CAMKMT: variants seen among roughly 807,000 people sequenced by gnomAD.
The protein encoded by CAMKMT is calmodulin-lysine N-methyltransferase.
CAMKMT carries 53 observed loss-of-function variants against 48.0 expected under a neutral mutation model. That is an observed-to-expected ratio of 1.10 (90% CI 0.89 to 1.39). The LOEUF is 1.39. Among genes scored for constraint, CAMKMT ranks in the 40% most tolerant of loss-of-function variants. The pLI is 0.00. For synonymous variants in CAMKMT, 165 were observed against 152.3 expected, an observed-to-expected ratio of 1.08 and a Z score of -0.61; for missense variants, 428 against 402.7, an observed-to-expected ratio of 1.06 and a Z score of -0.54.
intron 3 of CAMKMT, among the ~76,000 whole-genome samples, chr2:44,398,909 T>G (rs913870125): frequency 6.6e-6 from 1 of 152,132 alleles, no homozygotes; most frequent in Non-Finnish European, 1.5e-5. Flanking sequence ...TACTCCATGT[T>G]AAAAAAAATT....
intron 3 of CAMKMT, among the ~76,000 whole-genome samples, chr2:44,395,506 G>A (rs1681750570): frequency 1.3e-5 from 2 of 151,988 alleles, no homozygotes; most frequent in Non-Finnish European, 2.9e-5. Context: ...AAAAAGTTGG[G>A]CTTTTATGGG....
At chr2:44,448,801 G>A (rs569046175) in intron 3 of CAMKMT, among the ~76,000 whole-genome samples, 1 of 152,234 alleles carries the variant, frequency 6.6e-6, no homozygotes, top group South Asian at 2.1e-4. Flanking sequence ...TTATTCAATG[G>A]AATATTTTTC....
intron 3 of CAMKMT, among the ~76,000 whole-genome samples, chr2:44,434,841 A>G (rs999992239): frequency 6.6e-6 from 1 of 152,212 alleles, no homozygotes; most frequent in African/African-American, 2.4e-5. Context: ...TAGACTGCTA[A>G]TTTACTGTTT....
chr2:44,696,432 G>C (rs1676955232), intron 3 of CAMKMT, among the ~76,000 whole-genome samples: 1 of 152,156 alleles, frequency 6.6e-6, no homozygotes, highest in Non-Finnish European at 1.5e-5. Context: ...AGTTGAAGGG[G>C]ATGAAACTAA....
intron 7 of CAMKMT, among the ~76,000 whole-genome samples, chr2:44,715,856 A>G (rs1678150260): frequency 6.6e-6 from 1 of 152,172 alleles, no homozygotes; most frequent in African/African-American, 2.4e-5. Flanking sequence ...ACAACAAAGA[A>G]ACATCTGGCC....
At chr2:44,567,524 T>A (rs2103721659) in intron 3 of CAMKMT, among the ~76,000 whole-genome samples, 1 of 151,926 alleles carries the variant, frequency 6.6e-6, no homozygotes, top group East Asian at 1.9e-4. Context: ...GAAAAGTACA[T>A]ACACTTTTGA....
intron 5 of CAMKMT, among the ~76,000 whole-genome samples, chr2:44,707,045 G>C (rs1206970776): frequency 1.3e-5 from 2 of 151,770 alleles, no homozygotes; most frequent in African/African-American, 4.8e-5. Flanking sequence ...AGGGCATCAG[G>C]CAGTCAGACA....
chr2:44,718,360 A>C (rs1303807082), intron 7 of CAMKMT, among the ~76,000 whole-genome samples: 1 of 152,232 alleles, frequency 6.6e-6, no homozygotes, highest in African/African-American at 2.4e-5. Context: ...ATGAAGAATT[A>C]TATTCATTAC....
Position 44,378,650 on chromosome 2 carries a change from C to T in CAMKMT, c.311+5762C>T, listed in dbSNP as rs373649052. Among the ~76,000 whole-genome samples the T allele has an allele frequency of 3.8e-3, 576 of 152,240 alleles. 3 individuals are homozygous for T. The highest frequency in any genetic ancestry group is 0.013 in the African/African-American group (554 of 41,536). ...CTGGGACTACAGGCATGTGCCACCA[C>T]GCCCAGCTAATTTTTGTATTTTTAG... On this transcript the variant is annotated intron_variant, in intron 2 of 10. Coordinates refer to ENST00000378494, the MANE Select transcript of CAMKMT (RefSeq NM_024766.5).
chr2:44,709,571 T>C (rs571503605), intron 6 of CAMKMT, among the ~76,000 whole-genome samples: 3 of 152,306 alleles, frequency 2.0e-5, no homozygotes, highest in Admixed American at 2.0e-4. Context: ...GAGCTTACAA[T>C]TGGCATTCGT....
intron 3 of CAMKMT, among the ~76,000 whole-genome samples, chr2:44,497,149 T>G (rs115637655): frequency 0.011 from 1,692 of 152,294 alleles, 36 homozygotes; most frequent in African/African-American, 0.039. Context: ...GAAAACTGAT[T>G]TCGTACATCT....
At chr2:44,477,194 A>G (rs1668733385) in intron 3 of CAMKMT, among the ~76,000 whole-genome samples, 1 of 152,198 alleles carries the variant, frequency 6.6e-6, no homozygotes, top group African/African-American at 2.4e-5. Context: ...GTAGTTCATT[A>G]TAGAGTTAAT....
At chr2:44,664,955 A>G (rs977563119) in intron 3 of CAMKMT, among the ~76,000 whole-genome samples, 2 of 152,210 alleles carry the variant, frequency 1.3e-5, no homozygotes, top group Non-Finnish European at 2.9e-5. Flanking sequence ...GGGCCCTATA[A>G]AAGATACTGC....
chr2:44,643,643 T>C (rs558289472), intron 3 of CAMKMT, among the ~76,000 whole-genome samples: 2 of 152,308 alleles, frequency 1.3e-5, no homozygotes, highest in South Asian at 4.1e-4. Flanking sequence ...TCCAAAGGAA[T>C]TTGGGTGTTT....
At chr2:44,723,658 T>A (rs571653270) in intron 7 of CAMKMT, 1 of 148,586 alleles carries the variant, frequency 6.7e-6, no homozygotes, top group Non-Finnish European at 1.5e-5. Context: ...ATAAATAAAA[T>A]AATAAAGTTG....
chr2:44,673,447 G>GAGAA (rs1675453643), intron 3 of CAMKMT, among the ~76,000 whole-genome samples: 1 of 141,384 alleles, frequency 7.1e-6, no homozygotes, highest in African/African-American at 2.7e-5. Flanking sequence ...AAAAAAGAGA[G>GAGAA]AGAGAAAGAG....
rs1038825708 is a variant in CAMKMT at position 44,611,835 on chromosome 2, C to T, written c.377-92448C>T. Among the ~76,000 whole-genome samples, 31 of 151,910 alleles carry T rather than the reference C, an allele frequency of 2.0e-4. 1 individual carries two copies. The highest frequency in any genetic ancestry group is 2.9e-5 in the Non-Finnish European group (2 of 67,990). ...GAGCAGGCACATCACATGGCAAAAG[C>T]AGGAGCAAATGAGGTTGGGGGAGGT... is the stretch of plus-strand genomic sequence containing the variant. On this transcript the variant is annotated intron_variant, in intron 3 of 10. Coordinates refer to ENST00000378494, the MANE Select transcript of CAMKMT (RefSeq NM_024766.5).
intron 3 of CAMKMT, among the ~76,000 whole-genome samples, chr2:44,411,546 T>G (rs1331161112): frequency 1.3e-5 from 2 of 152,214 alleles, no homozygotes; most frequent in Non-Finnish European, 2.9e-5. Flanking sequence ...TTTAATAGTC[T>G]GTCGGTGCCT....
chr2:44,488,140 G>A (rs1429277476), intron 3 of CAMKMT, among the ~76,000 whole-genome samples: 1 of 152,206 alleles, frequency 6.6e-6, no homozygotes, highest in South Asian at 2.1e-4. Context: ...GTCTCCATAT[G>A]TATCAAGTTA....
Sources: allele counts gnomAD v4.1 joint callset (sites outside exome capture counted in the v4.1 genomes callset), GRCh38; gene constraint gnomAD v4.1.1; transcripts MANE v1.5; gene names NCBI Gene and HGNC (gene_info 2026-07-23, HGNC 2026-07-21).